The following EYA1 variants were observed in gnomAD, a reference collection of about 807,000 sequenced individuals.
EYA1 encodes the protein EYA transcriptional coactivator and phosphatase 1, also known as protein phosphatase EYA1.
Under a neutral mutation model 82.0 loss-of-function variants are expected in EYA1, and 16 were observed. That is an observed-to-expected ratio of 0.20 (90% confidence interval 0.13 to 0.30). The LOEUF is 0.30. Among genes scored for constraint, EYA1 ranks in the 10% least tolerant of loss-of-function variants. EYA1 has a pLI of 1.00. For synonymous variants in EYA1, 261 were observed against 264.4 expected, an observed-to-expected ratio of 0.99 and a Z score of 0.12; for missense variants, 633 against 730.7, an observed-to-expected ratio of 0.87 and a Z score of 1.54.
chr8:71,440,542 T>A (rs1415671277), intron 2 of EYA1, among the ~76,000 whole-genome samples: 1 of 152,138 alleles, frequency 6.6e-6, no homozygotes, highest in Non-Finnish European at 1.5e-5. Flanking sequence ...TGGCCCATTT[T>A]TTGAGATGGG....
intron 2 of EYA1, among the ~76,000 whole-genome samples, chr8:71,503,003 A>G (rs1811925895): frequency 6.6e-6 from 1 of 152,132 alleles, no homozygotes; most frequent in Admixed American, 6.5e-5. Context: ...TCAGTTTACT[A>G]TTATCTTCAT....
intron 4 of EYA1, among the ~76,000 whole-genome samples, chr8:71,330,361 A>T (rs1823689792): frequency 6.6e-6 from 1 of 152,136 alleles, no homozygotes; most frequent in Admixed American, 6.6e-5. Context: ...TTGCTGTCCC[A>T]TCAGGGGCTT....
At chr8:71,468,776 A>G (rs1340059320) in intron 2 of EYA1, among the ~76,000 whole-genome samples, 1 of 152,236 alleles carries the variant, frequency 6.6e-6, no homozygotes, top group South Asian at 2.1e-4. Flanking sequence ...CCAGCCTTTG[A>G]GATAACGTGC....
Position 71,199,023 on chromosome 8 carries a change from TAAC to T in EYA1, c.*314_*316del, listed in dbSNP as rs1334992276. ...GCTGTTTATATCACATTGAAAATGC[TAAC>T]AACTGAAGCGTTTGCAGGTCCTTTC... On this transcript the variant is annotated 3_prime_UTR_variant, in exon 18 of 18. Transcript: ENST00000340726. 2.5e-6 allele frequency: 1 copy of T among 399,658 alleles called. No individual in the cohort carries two copies. The highest frequency in any genetic ancestry group is 4.7e-6 in the Non-Finnish European group (1 of 211,486). The allele number at this position is 399,658 out of a possible 1,614,324, so 24.8% of individuals were successfully genotyped here. A position where few individuals can be genotyped will look rare whatever the true frequency, so the allele number is the denominator to read the frequency against.
intron 1 of EYA1, among the ~76,000 whole-genome samples, chr8:71,357,112 C>A (rs1336785702): frequency 6.6e-6 from 1 of 152,206 alleles, no homozygotes; most frequent in African/African-American, 2.4e-5. Flanking sequence ...AAGGCAAAGG[C>A]AAGTTTTCAT....
intron 2 of EYA1, among the ~76,000 whole-genome samples, chr8:71,460,004 T>G (rs1164060190): frequency 2.0e-5 from 3 of 152,224 alleles, no homozygotes; most frequent in Non-Finnish European, 4.4e-5. Context: ...TATTCCTTTG[T>G]TACCTCTGTC....
chr8:71,289,898 T>G (rs1818806618), intron 9 of EYA1, among the ~76,000 whole-genome samples: 1 of 152,210 alleles, frequency 6.6e-6, no homozygotes, highest in South Asian at 2.1e-4. Context: ...TATAGTACTC[T>G]ATTATTTGTG....
intron 9 of EYA1, among the ~76,000 whole-genome samples, chr8:71,283,881 C>A (rs927483208): frequency 1.3e-5 from 2 of 152,158 alleles, no homozygotes; most frequent in African/African-American, 2.4e-5. Context: ...CTACCCAGAT[C>A]TGTTTAGGGA....
At chr8:71,207,134 A>T (rs548659228) in intron 17 of EYA1, among the ~76,000 whole-genome samples, 1 of 152,176 alleles carries the variant, frequency 6.6e-6, no homozygotes, top group African/African-American at 2.4e-5. Context: ...TTGAGTTTTC[A>T]TATGTAGTTT....
At chr8:71,210,242 A>G (rs1808332469) in intron 17 of EYA1, among the ~76,000 whole-genome samples, 1 of 152,254 alleles carries the variant, frequency 6.6e-6, no homozygotes, top group African/African-American at 2.4e-5. Flanking sequence ...CATGATTATA[A>G]TTGATCTCTT....
chr8:71,438,181 A>G (rs1351379355), intron 2 of EYA1, among the ~76,000 whole-genome samples: 2 of 152,104 alleles, frequency 1.3e-5, no homozygotes, highest in Non-Finnish European at 2.9e-5. Context: ...CAAAAATAGA[A>G]CAAAATTGCC....
chr8:71,328,405 C>T (rs993907173), intron 4 of EYA1, among the ~76,000 whole-genome samples: 27 of 152,228 alleles, frequency 1.8e-4, no homozygotes, highest in Non-Finnish European at 3.2e-4. Context: ...ACCCAGCCCC[C>T]TCAGCTCTCC....
chr8:71,510,684 TA>T (rs1434650015), intron 2 of EYA1, among the ~76,000 whole-genome samples: 1 of 152,110 alleles, frequency 6.6e-6, no homozygotes, highest in Admixed American at 6.6e-5. Context: ...CCTTGACACA[TA>T]GGGGGTTATT....
chr8:71,248,564 G>C (rs1486759562), intron 11 of EYA1, among the ~76,000 whole-genome samples: 1 of 152,180 alleles, frequency 6.6e-6, no homozygotes. Flanking sequence ...AGAGCACGGA[G>C]TTCCTAGAGG....
At chr8:71,258,211 A>G (rs980427611) in intron 11 of EYA1, among the ~76,000 whole-genome samples, 3 of 152,182 alleles carry the variant, frequency 2.0e-5, no homozygotes, top group African/African-American at 7.2e-5. Context: ...GGCACCTACA[A>G]CATTACTGTT....
At position 71,537,382 on chromosome 8, in the gene EYA1, C is replaced by T. The variant is rs1814785675; in HGVS notation, c.-72-1534G>A. On this transcript the variant is annotated intron_variant, in intron 1 of 18. Transcript: ENST00000643681. The stretch of plus-strand genomic sequence containing the variant: ...TCAACTGCAGAACAGAATCTTAAAA[C>T]TCAACAGCATTGCTTTTAGAGGATT... 1.3e-5 allele frequency among the ~76,000 whole-genome samples: 2 copies of T among 152,232 alleles called. 1 individual carries two copies. The highest frequency in any genetic ancestry group is 6.8e-3 in the Middle Eastern group (2 of 294).
At chr8:71,324,299 A>G (rs190954039) in intron 4 of EYA1, among the ~76,000 whole-genome samples, 60 of 152,358 alleles carry the variant, frequency 3.9e-4, no homozygotes, top group African/African-American at 1.4e-3. Flanking sequence ...GTGTATATAC[A>G]TATGATGAAA....
chr8:71,509,982 A>G (rs1812474101), intron 2 of EYA1, among the ~76,000 whole-genome samples: 1 of 151,686 alleles, frequency 6.6e-6, no homozygotes, highest in African/African-American at 2.4e-5. Flanking sequence ...TGGTAATGGT[A>G]TTTTTAGATT....
At chr8:71,397,391 C>T (rs1198243273) in intron 2 of EYA1, among the ~76,000 whole-genome samples, 1 of 152,330 alleles carries the variant, frequency 6.6e-6, no homozygotes, top group African/African-American at 2.4e-5. Flanking sequence ...CATCGATGGT[C>T]TTTACAATTT....
Sources: allele counts gnomAD v4.1 joint callset (sites outside exome capture counted in the v4.1 genomes callset), GRCh38; gene constraint gnomAD v4.1.1; transcripts MANE v1.5; gene names NCBI Gene and HGNC (gene_info 2026-07-23, HGNC 2026-07-21).